YTHDF1: variants seen among roughly 807,000 people sequenced by gnomAD.
YTHDF1 encodes YTH domain-containing family protein 1.
Under a neutral mutation model 49.1 loss-of-function variants are expected in YTHDF1, and 16 were observed. The observed-to-expected ratio is 0.33, with a 90% CI of 0.22 to 0.49. YTHDF1 has a LOEUF of 0.49. Ranked by LOEUF, YTHDF1 falls within the 20% of genes least tolerant of loss-of-function variation. YTHDF1 has a pLI of 0.99. For synonymous variants in YTHDF1, 313 were observed against 290.1 expected, an observed-to-expected ratio of 1.08 and a Z score of -0.80; for missense variants, 621 against 744.3, an observed-to-expected ratio of 0.83 and a Z score of 1.93.
chr20:63,201,399 G>T (rs2066516709), intron 4 of YTHDF1, among the ~76,000 whole-genome samples: 1 of 152,178 alleles, frequency 6.6e-6, no homozygotes, highest in Non-Finnish European at 1.5e-5. Flanking sequence ...TAAAAAGCAG[G>T]AGAGAATCTC....
rs946523373 is a variant in YTHDF1, at chr20:63,202,199, C to T, written c.1653+88G>A. ...CACGAGACTCAGCTCGGCGGACCTG[C>T]CGCATCTGCTCACCACCGGGCCACC... is the stretch of plus-strand genomic sequence containing the variant. On this transcript the variant is annotated intron_variant, in intron 4 of 4. Transcript: ENST00000370339. 7 of 1,498,328 alleles carry T rather than the reference C, an allele frequency of 4.7e-6. No homozygotes were observed. In the Admixed American group the frequency reaches 6.2e-5, roughly 13 times the overall value. 92.8% of individuals were successfully genotyped at this position (1,498,328 alleles called of 1,614,324 possible).
At position 63,204,565 on chromosome 20, in the gene YTHDF1, C is replaced by T. The variant is rs565361212; in HGVS notation, c.133-758G>A. 5.3e-5 allele frequency among the ~76,000 whole-genome samples: 8 copies of T among 152,322 alleles called. No individual in the cohort carries two copies. In the East Asian group the frequency reaches 1.4e-3, roughly 26 times the overall value. On this transcript the variant is annotated intron_variant, in intron 3 of 4. Coordinates refer to ENST00000370339, the MANE Select transcript of YTHDF1 (RefSeq NM_017798.4). Reference sequence around the variant, plus strand: ...AGCTCCTCAGCCAAGAGAAAGCATCCGAAGTGTGGACTCTGTGCTCCGGGT... The same window carrying T: ...AGCTCCTCAGCCAAGAGAAAGCATCTGAAGTGTGGACTCTGTGCTCCGGGT...
At chr20:63,199,248 A>C (rs1028750622) in intron 4 of YTHDF1, among the ~76,000 whole-genome samples, 1 of 152,224 alleles carries the variant, frequency 6.6e-6, no homozygotes, top group Non-Finnish European at 1.5e-5. Flanking sequence ...GGCCGGGCGC[A>C]GTGGCTCACG....
intron 4 of YTHDF1, among the ~76,000 whole-genome samples, chr20:63,198,381 GT>G (rs2066502303): frequency 6.6e-6 from 1 of 152,110 alleles, no homozygotes; most frequent in Non-Finnish European, 1.5e-5. Flanking sequence ...GGACGCAGAG[GT>G]TGCAGTGAGC....
In YTHDF1 at chr20:63,203,764, T is replaced by C. The variant is rs2066531535; in HGVS notation, c.176A>G (p.Tyr59Cys). The change falls in exon 4 of 5, where the codon TAT becomes TGT. Residue 59 changes from tyrosine to cysteine, a missense_variant. Coordinates refer to ENST00000370339, the MANE Select transcript of YTHDF1 (RefSeq NM_017798.4). This position sits in a 1 kb window ranked among gnomAD's most constrained non-coding sequence, Gnocchi z 4.4. ...PSMSDPYLSS[Y>C]YPPSIGFPYS... ...AGGAAATCCAATGGACGGCGGGTAA[T>C]AGCTGGACAGGTAGGGGTCGCTCAT... is the stretch of plus-strand genomic sequence containing the variant. 1.2e-6 allele frequency: 2 copies of C among 1,613,628 alleles called. No homozygotes were observed. Among genetic ancestry groups the C allele is most frequent in the Non-Finnish European group, 1.7e-6 (2 of 1,179,638 alleles).
At chr20:63,201,812 G>A (rs963762943) in intron 4 of YTHDF1, among the ~76,000 whole-genome samples, 1 of 152,220 alleles carries the variant, frequency 6.6e-6, no homozygotes, top group African/African-American at 2.4e-5. Context: ...CTGAGGGACA[G>A]TGCCCTGGGA....
chr20:63,197,113 G>A (rs1490181819), intron 4 of YTHDF1, among the ~76,000 whole-genome samples: 2 of 152,240 alleles, frequency 1.3e-5, no homozygotes, highest in South Asian at 2.1e-4. Context: ...GAGCTGGCAC[G>A]CACCAGGCTC....
At chr20:63,209,991 C>T (rs1335080905) in intron 3 of YTHDF1, among the ~76,000 whole-genome samples, 1 of 152,126 alleles carries the variant, frequency 6.6e-6, no homozygotes, top group Non-Finnish European at 1.5e-5. Flanking sequence ...AAAGTAGTAA[C>T]AGTCGTTTAT....
intron 3 of YTHDF1, among the ~76,000 whole-genome samples, chr20:63,213,068 C>T (rs1289218943): frequency 1.3e-5 from 2 of 152,214 alleles, no homozygotes; most frequent in Non-Finnish European, 2.9e-5. Flanking sequence ...TACTCTCTCT[C>T]TTCTACAGAA....
chr20:63,214,247 TAAG>T, intron 2 of YTHDF1: 1 of 459,080 alleles, frequency 2.2e-6, no homozygotes, highest in South Asian at 9.3e-5. Context: ...TGACATGGTC[TAAG>T]AAGACTTATG....
chr20:63,211,678 GCA>G (rs1388498163), intron 3 of YTHDF1, among the ~76,000 whole-genome samples: 1 of 151,798 alleles, frequency 6.6e-6, no homozygotes. Context: ...TTTTGGCTGG[GCA>G]CAGTGGCTCA....
Position 63,202,892 on chromosome 20 carries a change from A to T in YTHDF1, c.1048T>A (p.Ser350Thr), listed in dbSNP as rs569189639. Residue 350 changes from serine (S) to threonine (T), a missense_variant, in exon 4 of 5, where the codon TCT becomes ACT. Transcript: ENST00000370339. Reference protein sequence around the residue: ...QSGGAGSDSNSPGNVQPNSAP... With the variant: ...QSGGAGSDSNTPGNVQPNSAP... ...GAATTAGGCTGGACGTTTCCAGGAG[A>T]GTTGCTATCGCTGCCAGCCCCTCCG... 3 of 1,613,858 alleles carry T rather than the reference A, an allele frequency of 1.9e-6. No homozygotes were observed. Among genetic ancestry groups the T allele is most frequent in the Admixed American group, 1.7e-5 (1 of 60,020 alleles).
rs148171986 is a variant in YTHDF1 at position 63,203,052 on chromosome 20, T to C, written c.888A>G (p.Pro296=). ...PQQAPSPQAA[P]QPQQVAQPLP... is the part of the protein sequence containing the mutation. ...GAGGCTGAGCCACCTGCTGGGGCTG[T>C]GGGGCAGCCTGTGGAGAGGGTGCCT... The change falls in exon 4 of 5, where the codon CCA becomes CCG. Residue 296 remains proline, a synonymous_variant. Coordinates refer to ENST00000370339, the MANE Select transcript of YTHDF1 (RefSeq NM_017798.4). The surrounding 1 kb of genome is among the most constrained non-coding windows in gnomAD (Gnocchi z 4.4). 1 of 1,605,608 alleles carries C rather than the reference T, an allele frequency of 6.2e-7. No homozygotes were observed. Among genetic ancestry groups the C allele is most frequent in the Non-Finnish European group, 8.5e-7 (1 of 1,175,078 alleles).
chr20:63,208,032 A>C (rs1046631616), intron 3 of YTHDF1, among the ~76,000 whole-genome samples: 1 of 152,034 alleles, frequency 6.6e-6, no homozygotes, highest in Non-Finnish European at 1.5e-5. Flanking sequence ...AACTAAGAGC[A>C]GTTTTACATA....
Position 63,210,879 on chromosome 20 carries a change from A to G in YTHDF1, c.132+2985T>C, listed in dbSNP as rs181024724. Among the ~76,000 whole-genome samples the G allele has an allele frequency of 3.1e-3, 474 of 152,310 alleles. 5 individuals are homozygous for G. Among genetic ancestry groups the G allele is most frequent in the Non-Finnish European group, 1.8e-3 (124 of 68,018 alleles). ...CCTCTGCTCCCCCAACTCCCATTCA[A>G]GTCACAGACTAGAAGACAGATACTG... On this transcript the variant is annotated intron_variant, in intron 3 of 4. Coordinates refer to ENST00000370339, the MANE Select transcript of YTHDF1 (RefSeq NM_017798.4).
chr20:63,203,694 C>T lies in YTHDF1; in HGVS notation c.246G>A (p.Pro82=), dbSNP rs777452530. The T allele has an allele frequency of 8.7e-6, 14 of 1,614,012 alleles. No homozygotes were observed. The South Asian group carries it at 1.2e-4, about 14-fold the overall frequency. Reference sequence around the variant, plus strand: ...GTCCGTAGGTGGTGAGGTATGGAATCGGAGGGTCCCCTGCAGTAGACCACG... The same window carrying T: ...GTCCGTAGGTGGTGAGGTATGGAATTGGAGGGTCCCCTGCAGTAGACCACG... ...EAPWSTAGDP[P]IPYLTTYGQL... is the part of the protein sequence containing the mutation. The change falls in exon 4 of 5, where the codon CCG becomes CCA. Residue 82 remains proline (P), a synonymous_variant. Transcript: ENST00000370339. This position sits in a 1 kb window ranked among gnomAD's most constrained non-coding sequence, Gnocchi z 4.4.
intron 4 of YTHDF1, among the ~76,000 whole-genome samples, chr20:63,200,011 G>A (rs1035531956): frequency 2.0e-5 from 3 of 152,104 alleles, no homozygotes; most frequent in Admixed American, 6.5e-5. Flanking sequence ...CTGTGATTAA[G>A]TCACTGCACT....
rs911387070 is a variant in YTHDF1, at chr20:63,216,113, T to TGGCGGCGGCGGC, written c.-233_-222dup. 1.1e-5 allele frequency: 2 copies of TGGCGGCGGCGGC among 176,912 alleles called. No individual in the cohort carries two copies. Among genetic ancestry groups the TGGCGGCGGCGGC allele is most frequent in the East Asian group, 2.0e-4 (1 of 5,064 alleles). The allele number at this position is 176,912 out of a possible 1,614,324, so 11.0% of individuals were successfully genotyped here. A position where few individuals can be genotyped will look rare whatever the true frequency, so the allele number is the denominator to read the frequency against. ...CGCACTGAGGAGGCGTCGACTCCAA[T>TGGCGGCGGCGGC]GGCGGCGGCGGCGGCGACAGCAGCG... On this transcript the variant is annotated 5_prime_UTR_variant, in exon 1 of 5. Transcript: ENST00000370339.
chr20:63,215,367 A>C (rs1193373276), intron 2 of YTHDF1, among the ~76,000 whole-genome samples: 1 of 152,140 alleles, frequency 6.6e-6, no homozygotes, highest in Non-Finnish European at 1.5e-5. Context: ...ACGGGCCCAA[A>C]CTACTCTGAG....
Sources: allele counts gnomAD v4.1 joint callset (sites outside exome capture counted in the v4.1 genomes callset), GRCh38; gene constraint gnomAD v4.1.1; non-coding constraint Gnocchi (gnomAD v3.1); transcripts MANE v1.5; gene names NCBI Gene and HGNC (gene_info 2026-07-23, HGNC 2026-07-21).